The following TBCA variants were observed in gnomAD, a reference collection of about 807,000 sequenced individuals.
TBCA encodes the protein tubulin-specific chaperone A.
Under a neutral mutation model 15.8 loss-of-function variants are expected in TBCA, and 6 were observed. The observed-to-expected ratio is 0.38, with a 90% CI of 0.21 to 0.75. The LOEUF (loss-of-function observed/expected upper bound fraction) is 0.75, where lower values mean the gene tolerates loss of function less well. Ranked by LOEUF, TBCA falls within the 30% of genes least tolerant of loss-of-function variation. The probability of loss-of-function intolerance (pLI) is 0.46; values close to 1 mark genes in which losing one functional copy is unlikely to be tolerated. For missense variants in TBCA, 90 were observed against 131.2 expected (o/e 0.69, Z 1.53); for synonymous variants, 32 against 42.3 (o/e 0.76, Z 0.94).
chr5:77,751,222 C>T (rs1322222642), intron 1 of TBCA, among the ~76,000 whole-genome samples: 2 of 138,892 alleles, frequency 1.4e-5, no homozygotes, highest in Admixed American at 1.6e-4. Flanking sequence ...AGTACAATGG[C>T]GCAATCTCAG....
intron 1 of TBCA, among the ~76,000 whole-genome samples, chr5:77,750,931 A>C (rs1279021070): frequency 6.6e-6 from 1 of 152,120 alleles, no homozygotes; most frequent in Non-Finnish European, 1.5e-5. Context: ...CTGATTAGCA[A>C]TTGGTTGAAA....
intron 1 of TBCA, among the ~76,000 whole-genome samples, chr5:77,735,260 T>G (rs1746872691): frequency 6.6e-6 from 1 of 152,216 alleles, no homozygotes; most frequent in African/African-American, 2.4e-5. Context: ...CAAATTTTAC[T>G]CAGATTGGCA....
chr5:77,691,998 T>G (rs1389292672), intron 3 of TBCA: 1 of 985,000 alleles, frequency 1.0e-6, no homozygotes, highest in South Asian at 4.7e-5. Flanking sequence ...TAATGGGTAT[T>G]ACATACCCTA....
At chr5:77,715,726 C>T (rs1746385292) in intron 1 of TBCA, among the ~76,000 whole-genome samples, 1 of 152,158 alleles carries the variant, frequency 6.6e-6, no homozygotes. Flanking sequence ...CAGTTAATAA[C>T]ATTTAGTTTA....
At chr5:77,723,335 T>C (rs899078558) in intron 1 of TBCA, among the ~76,000 whole-genome samples, 3 of 151,990 alleles carry the variant, frequency 2.0e-5, no homozygotes, top group East Asian at 1.9e-4. Flanking sequence ...TAACCACTTA[T>C]AATAAAAACT....
intron 1 of TBCA, among the ~76,000 whole-genome samples, chr5:77,717,075 G>A (rs1261682473): frequency 2.0e-5 from 3 of 152,162 alleles, no homozygotes; most frequent in Admixed American, 1.3e-4. Flanking sequence ...GACACCTTGG[G>A]ATCATGAGGA....
At chr5:77,745,473 A>T (rs1039210644) in intron 1 of TBCA, among the ~76,000 whole-genome samples, 5 of 152,214 alleles carry the variant, frequency 3.3e-5, no homozygotes, top group African/African-American at 1.2e-4. Flanking sequence ...CACAAATTTC[A>T]CAACTTTATC....
intron 1 of TBCA, among the ~76,000 whole-genome samples, chr5:77,741,284 C>T (rs1747024237): frequency 6.6e-6 from 1 of 152,046 alleles, no homozygotes; most frequent in Non-Finnish European, 1.5e-5. Flanking sequence ...GTGACTTCAC[C>T]ATACCTGAAT....
chr5:77,714,025 T>G (rs1464455498), intron 1 of TBCA, among the ~76,000 whole-genome samples: 1 of 149,516 alleles, frequency 6.7e-6, no homozygotes, highest in Admixed American at 6.7e-5. Flanking sequence ...AAAAACCCCA[T>G]CTATGTACAT....
intron 1 of TBCA, among the ~76,000 whole-genome samples, chr5:77,770,972 A>G (rs1747896616): frequency 6.6e-6 from 1 of 152,104 alleles, no homozygotes; most frequent in Non-Finnish European, 1.5e-5. Flanking sequence ...ACTAAAAAAT[A>G]CAAAAATTAG....
intron 1 of TBCA, 144 bp from the exon 2 acceptor site, chr5:77,708,491 GT>G: frequency 1.9e-6 from 1 of 540,200 alleles, no homozygotes; most frequent in Non-Finnish European, 3.3e-6. Flanking sequence ...AAGAAAAATA[GT>G]TTAGTCATAA....
In TBCA at chr5:77,691,269, A is replaced by G; in HGVS notation, c.*149T>C. ...TATTAGATGAACTCATTTATTTGAC[A>G]TATTAAATTAGACAAAGAAATATAT... On this transcript the variant is annotated 3_prime_UTR_variant, in exon 4 of 4. Coordinates refer to ENST00000380377, the MANE Select transcript of TBCA (RefSeq NM_004607.3). The G allele has an allele frequency of 1.5e-6, 1 of 647,104 alleles. No individual in the cohort carries two copies. Among genetic ancestry groups the G allele is most frequent in the Non-Finnish European group, 2.6e-6 (1 of 385,926 alleles). The allele number at this position is 647,104 out of a possible 1,614,324, so 40.1% of individuals were successfully genotyped here.
intron 1 of TBCA, among the ~76,000 whole-genome samples, chr5:77,765,617 G>A (rs190897114): frequency 1.2e-4 from 18 of 152,044 alleles, no homozygotes; most frequent in African/African-American, 3.6e-4. Context: ...CCTCAAACAC[G>A]CCAATCTTAC....
intron 1 of TBCA, among the ~76,000 whole-genome samples, chr5:77,764,728 AAT>A (rs1747732283): frequency 6.6e-6 from 1 of 152,210 alleles, no homozygotes; most frequent in Non-Finnish European, 1.5e-5. Flanking sequence ...ATTCACCAAT[AAT>A]ATAGAGTATT....
chr5:77,754,623 A>G (rs1207172618), intron 1 of TBCA, among the ~76,000 whole-genome samples: 1 of 152,222 alleles, frequency 6.6e-6, no homozygotes, highest in Non-Finnish European at 1.5e-5. Context: ...TTACCTAAGT[A>G]AGAACCTTAA....
At chr5:77,704,249 C>T (rs13174129) in intron 2 of TBCA, among the ~76,000 whole-genome samples, 3 of 152,068 alleles carry the variant, frequency 2.0e-5, no homozygotes, top group South Asian at 2.1e-4. Context: ...GGATTACAGA[C>T]GTGAGCCACT....
intron 1 of TBCA, among the ~76,000 whole-genome samples, chr5:77,742,361 T>C (rs1747059684): frequency 1.3e-5 from 2 of 152,186 alleles, no homozygotes; most frequent in African/African-American, 4.8e-5. Flanking sequence ...CCCTCATTAT[T>C]TTATGTCTCT....
At chr5:77,775,933 G>C (rs1443486874) in intron 1 of TBCA, among the ~76,000 whole-genome samples, 1 of 152,160 alleles carries the variant, frequency 6.6e-6, no homozygotes, top group African/African-American at 2.4e-5. Context: ...TCCCACCGCG[G>C]GCGCCGAGAA....
At chr5:77,724,576 A>G (rs1236198930) in intron 1 of TBCA, among the ~76,000 whole-genome samples, 3 of 152,176 alleles carry the variant, frequency 2.0e-5, no homozygotes, top group African/African-American at 7.2e-5. Context: ...ATTTATCAAT[A>G]AAATGAACTG....
Sources: allele counts gnomAD v4.1 joint callset (sites outside exome capture counted in the v4.1 genomes callset), GRCh38; gene constraint gnomAD v4.1.1; transcripts MANE v1.5; gene names NCBI Gene and HGNC (gene_info 2026-07-23, HGNC 2026-07-21).